SP110: variants seen among roughly 807,000 people sequenced by gnomAD.
The protein encoded by SP110 is SP110 nuclear body protein, also known as interferon-induced protein 41, 30kD.
In SP110, 62 loss-of-function variants were observed where a neutral mutation model predicts 92.7. The ratio of observed to expected loss-of-function variants is 0.67; its 90% confidence interval spans 0.55 to 0.83. The LOEUF (loss-of-function observed/expected upper bound fraction) is 0.83. Among genes scored for constraint, SP110 ranks in the 40% least tolerant of loss-of-function variants. SP110 has a pLI of 0.00. For missense variants in SP110, 793 were observed against 863.9 expected, an observed-to-expected ratio of 0.92 and a Z score of 1.03; for synonymous variants, 273 against 305.3, an observed-to-expected ratio of 0.89 and a Z score of 1.10.
At chr2:230,207,854 T>A (rs41309106) in intron 8 of SP110, 137 bp downstream of exon 8, 2 of 659,126 alleles carry the variant, frequency 3.0e-6, no homozygotes, top group African/African-American at 1.8e-5. Context: ...GAGCTTACAT[T>A]GTGTCACTTC....
In SP110 at chr2:230,171,749, A is replaced by G; in HGVS notation, c.1834T>C (p.Leu612=). The G allele has an allele frequency of 6.2e-7, 1 of 1,613,230 alleles. No individual in the cohort carries two copies. ...QDQLKCEFLL[L]KAYCHPQSSF... The stretch of plus-strand genomic sequence containing the variant: ...CTTTGTGGATGACAGTAGGCCTTCA[A>G]GAGGAGGAACTCACATTTCTGTAAA... Residue 612 remains leucine (L), a synonymous_variant, in exon 17 of 19, where the codon TTG becomes CTG. Transcript: ENST00000258381.
At chr2:230,220,543 A>G (rs557176520), upstream of SP110, among the ~76,000 whole-genome samples, 1 of 152,328 alleles carries the variant, frequency 6.6e-6, no homozygotes, top group South Asian at 2.1e-4. Flanking sequence ...ACCTCCAGGC[A>G]GAAAAATGGC....
intron 11 of SP110, among the ~76,000 whole-genome samples, chr2:230,185,491 T>C (rs1320876428): frequency 6.6e-6 from 1 of 152,146 alleles, no homozygotes; most frequent in East Asian, 1.9e-4. Flanking sequence ...TTGGTGAAAG[T>C]GGAGGGAAAG....
At chr2:230,204,954 G>A (rs1183240255) in intron 8 of SP110, among the ~76,000 whole-genome samples, 1 of 152,170 alleles carries the variant, frequency 6.6e-6, no homozygotes, top group East Asian at 1.9e-4. Context: ...GTGGTTGACT[G>A]GAGTTTTGAG....
In SP110 at chr2:230,211,125, C is replaced by G. The variant is rs2044422924; in HGVS notation, c.751+345G>C. Among the ~76,000 whole-genome samples the G allele has an allele frequency of 6.6e-6, 1 of 152,202 alleles. No individual in the cohort carries two copies. Among genetic ancestry groups the G allele is most frequent in the African/African-American group, 2.4e-5 (1 of 41,456 alleles). On this transcript the variant is annotated intron_variant, in intron 6 of 18. Transcript: ENST00000258381. This position sits in a 1 kb window ranked among gnomAD's most constrained non-coding sequence, Gnocchi z 4.2. Reference sequence around the variant, plus strand: ...CCCTTGCTTTCCCCTGGGGTTCCTGCCACAACCCTTTGTGGCAGGTGAATG... The same window carrying G: ...CCCTTGCTTTCCCCTGGGGTTCCTGGCACAACCCTTTGTGGCAGGTGAATG...
At position 230,211,635 on chromosome 2, in the gene SP110, C is replaced by T; in HGVS notation, c.668-82G>A. The T allele has an allele frequency of 1.1e-6, 1 of 886,958 alleles. No individual in the cohort carries two copies. The highest frequency in any genetic ancestry group is 1.9e-6 in the Non-Finnish European group (1 of 522,474). 54.9% of individuals were successfully genotyped at this position (886,958 alleles called of 1,614,324 possible). A position where few individuals can be genotyped will look rare whatever the true frequency, so the allele number is the denominator to read the frequency against. ...GAGGAGAAAAGAGAATGCTCTATTCCAACAAGTAAAAATGACGGGGTAACA... is the reference window on the plus strand; with the variant it reads ...GAGGAGAAAAGAGAATGCTCTATTCTAACAAGTAAAAATGACGGGGTAACA... On this transcript the variant is annotated intron_variant, in intron 5 of 18. Coordinates refer to ENST00000258381, the MANE Select transcript of SP110 (RefSeq NM_080424.4). This position sits in a 1 kb window ranked among gnomAD's most constrained non-coding sequence, Gnocchi z 4.2.
chr2:230,218,083 G>A (rs1274291819), intron 1 of SP110, among the ~76,000 whole-genome samples: 1 of 152,174 alleles, frequency 6.6e-6, no homozygotes, highest in Admixed American at 6.5e-5. Flanking sequence ...ATATCAATAG[G>A]TTATAATGGG....
rs41543312 is a variant in SP110 at position 230,208,248 on chromosome 2, C to T, written c.830-189G>A. ...TAAAATGACAGAGGAAAAGGAGAAACGAAGAAATAGAGACAGGGAGTTTAG... is the reference window on the plus strand; with the variant it reads ...TAAAATGACAGAGGAAAAGGAGAAATGAAGAAATAGAGACAGGGAGTTTAG... On this transcript the variant is annotated intron_variant, in intron 7 of 18. Transcript: ENST00000258381. 1.6e-4 allele frequency among the ~76,000 whole-genome samples: 25 copies of T among 151,912 alleles called. No homozygotes were observed. The highest frequency in any genetic ancestry group is 2.2e-4 in the Non-Finnish European group (15 of 67,988).
intron 10 of SP110, among the ~76,000 whole-genome samples, chr2:230,188,157 T>C (rs1035712140): frequency 5.3e-5 from 8 of 152,246 alleles, no homozygotes; most frequent in African/African-American, 1.9e-4. Flanking sequence ...TCATCTATGA[T>C]TTCTTTCAGC....
rs201752781 is a variant in SP110, at chr2:230,169,175, G to A, written c.2091C>T (p.Asp697=). 9 of 1,613,854 alleles carry A rather than the reference G, an allele frequency of 5.6e-6. No individual in the cohort carries two copies. The highest frequency in any genetic ancestry group is 2.2e-5 in the East Asian group (1 of 44,868). The stretch of plus-strand genomic sequence containing the variant: ...CATTGGCTTCATGAAAACCGAGCAC[G>A]TCTTTGAGATCTTTTTCAAATTCTG... ...LEAEFEKDLK[D]VLGFHEANDG... The change falls in exon 19 of 19, where the codon GAC becomes GAT. Residue 697 remains aspartate, a synonymous_variant. Coordinates refer to ENST00000258381, the MANE Select transcript of SP110 (RefSeq NM_080424.4).
At chr2:230,203,887 C>T (rs1023777873) in intron 8 of SP110, among the ~76,000 whole-genome samples, 2 of 151,942 alleles carry the variant, frequency 1.3e-5, no homozygotes, top group East Asian at 1.9e-4. Flanking sequence ...TTTAGTTTTA[C>T]AAGATAAAAG....
chr2:230,220,681 G>A (rs934117647), upstream of SP110, among the ~76,000 whole-genome samples: 2 of 152,050 alleles, frequency 1.3e-5, no homozygotes, highest in African/African-American at 2.4e-5. Flanking sequence ...GATCCCTAAT[G>A]TACATTGACA....
intron 14 of SP110, chr2:230,174,032 T>C (rs1362974591): frequency 6.6e-6 from 1 of 152,218 alleles, no homozygotes; most frequent in Non-Finnish European, 1.5e-5. Flanking sequence ...AAGACACCCT[T>C]CTTTCAGCAA....
upstream of SP110, chr2:230,221,619 T>C (rs2148982140): frequency 7.8e-7 from 1 of 1,284,804 alleles, no homozygotes; most frequent in Non-Finnish European, 1.1e-6. Flanking sequence ...TGCCTCAGCA[T>C]GCAGTAACAT....
intron 12 of SP110, 85 bp downstream of exon 12, chr2:230,183,484 GAGA>G (rs3835917): frequency 0.1 from 89,343 of 865,016 alleles, 6,100 homozygotes; most frequent in South Asian, 0.23. Flanking sequence ...AGAAGGGAGA[GAGA>G]AGAAGGAGAG....
chr2:230,211,554 C>G lies in SP110; in HGVS notation c.668-1G>C, dbSNP rs753039871. On this transcript the variant is annotated splice_acceptor_variant, in intron 5 of 18. Coordinates refer to ENST00000258381, the MANE Select transcript of SP110 (RefSeq NM_080424.4). LOFTEE classifies it high-confidence loss of function. The surrounding 1 kb of genome is among the most constrained non-coding windows in gnomAD (Gnocchi z 4.2). The stretch of plus-strand genomic sequence containing the variant: ...TGGGGGATCAGGTTGTCACTGGCCA[C>G]TGAATGGAGGAAGAAAAAGTTTTAG... 4 of 1,593,628 alleles carry G rather than the reference C, an allele frequency of 2.5e-6. 1 individual carries two copies. In the South Asian group the frequency reaches 4.4e-5, roughly 18 times the overall value.
intron 10 of SP110, among the ~76,000 whole-genome samples, chr2:230,188,005 AT>A (rs545273828): frequency 2.3e-4 from 35 of 151,876 alleles, no homozygotes; most frequent in South Asian, 1.7e-3. Flanking sequence ...GAATTTTAAG[AT>A]TTTTTTTCCA....
rs1338086854 is a variant in SP110 at position 230,165,465 on chromosome 2, A to G, written c.*3659T>C. ...GGTTATCACGTAACACACACTTTTA[A>G]TTTTTGCTTTTGAATTACTTTATAT... On this transcript the variant is annotated 3_prime_UTR_variant, in exon 19 of 19. Coordinates refer to ENST00000258381, the MANE Select transcript of SP110 (RefSeq NM_080424.4). Among the ~76,000 whole-genome samples, 4 of 152,230 alleles carry G rather than the reference A, an allele frequency of 2.6e-5. No individual in the cohort carries two copies. The highest frequency in any genetic ancestry group is 9.6e-5 in the African/African-American group (4 of 41,456).
intron 1 of SP110, among the ~76,000 whole-genome samples, chr2:230,219,212 G>A (rs376152070): frequency 4.6e-5 from 7 of 152,298 alleles, no homozygotes; most frequent in South Asian, 2.1e-4. Context: ...GTGACAGAGC[G>A]AGACTCCGTC....
Sources: allele counts gnomAD v4.1 joint callset (sites outside exome capture counted in the v4.1 genomes callset), GRCh38; gene constraint gnomAD v4.1.1; non-coding constraint Gnocchi (gnomAD v3.1); transcripts MANE v1.5; gene names NCBI Gene and HGNC (gene_info 2026-07-23, HGNC 2026-07-21).